The following IGFN1 variants were observed in gnomAD, a reference collection of about 807,000 sequenced individuals.
The protein encoded by IGFN1 is immunoglobulin-like and fibronectin type III domain-containing protein 1.
IGFN1 carries 253 observed loss-of-function variants against 289.5 expected under a neutral mutation model. That is an observed-to-expected ratio of 0.87 (90% CI 0.79 to 0.97). The LOEUF (loss-of-function observed/expected upper bound fraction) is 0.97, where lower values mean the gene tolerates loss of function less well. Among genes scored for constraint, IGFN1 ranks in the 50% least tolerant of loss-of-function variants. The pLI is 0.00. For missense variants in IGFN1, 4,470 were observed against 4,686.1 expected, an observed-to-expected ratio of 0.95 and a Z score of 1.35; for synonymous variants, 1,706 against 1,788.5, an observed-to-expected ratio of 0.95 and a Z score of 1.16.
Position 201,208,096 on chromosome 1 carries a change from G to A in IGFN1, c.3203G>A (p.Arg1068Lys). 2.6e-6 allele frequency: 4 copies of A among 1,536,944 alleles called. No individual in the cohort carries two copies. The highest frequency in any genetic ancestry group is 3.5e-6 in the Non-Finnish European group (4 of 1,146,822). The part of the protein sequence containing the change: ...ASACQAGMDP[R>K]GGHHSDGGLG... ...GCATGCCAGGCAGGCATGGACCCTA[G>A]GGGAGGGCACCATTCAGATGGTGGC... is the stretch of plus-strand genomic sequence containing the variant. Residue 1068 changes from arginine (R) to lysine (K), a missense_variant, in exon 12 of 24, where the codon AGG becomes AAG. Physicochemically the swap from Arg to Lys is conservative, Grantham distance 26 (BLOSUM62 2). Around this residue, in one of 8 missense-constraint regions of IGFN1, gnomAD observed 2,011 missense variants for 1,953.4 expected, o/e 1.03. Transcript: ENST00000335211.
intron 14 of IGFN1, among the ~76,000 whole-genome samples, 166 bp downstream of exon 14, chr1:201,215,320 T>C (rs1168828959): frequency 6.6e-6 from 1 of 152,174 alleles, no homozygotes; most frequent in Non-Finnish European, 1.5e-5. Context: ...ACCCTGCCTA[T>C]TCCAGCATCT....
chr1:201,191,132 G>T (rs1251317756), intron 1 of IGFN1, among the ~76,000 whole-genome samples: 1 of 152,170 alleles, frequency 6.6e-6, no homozygotes, highest in Non-Finnish European at 1.5e-5. Flanking sequence ...TGTCCTGTCT[G>T]GGCATTTCTG....
chr1:201,206,059 C>A, intron 11 of IGFN1, 24 bp from the exon 12 acceptor site: 3 of 1,461,500 alleles, frequency 2.1e-6, no homozygotes, highest in South Asian at 1.2e-5. Context: ...ACTGACCTTC[C>A]ATATGAATAA....
Position 201,207,198 on chromosome 1 carries a change from A to G in IGFN1, c.2305A>G (p.Ser769Gly), listed in dbSNP as rs1057336690. The G allele has an allele frequency of 6.5e-7, 1 of 1,536,896 alleles. No homozygotes were observed. The highest frequency in any genetic ancestry group is 8.7e-7 in the Non-Finnish European group (1 of 1,146,836). Residue 769 changes from serine (S) to glycine (G), a missense_variant, in exon 12 of 24, where the codon AGT (serine) becomes GGT (glycine). By Grantham distance (56) the Ser-to-Gly change is moderately conservative. Coordinates refer to ENST00000335211, the MANE Select transcript of IGFN1 (RefSeq NM_001164586.2). Reference protein sequence around the residue: ...ICRGESVVTGSAYKTGPGGPG... With the variant: ...ICRGESVVTGGAYKTGPGGPG... Reference sequence around the variant, plus strand: ...CCGGGGGGAGTCTGTAGTTACAGGAAGTGCCTACAAAACTGGCCCTGGAGG... The same window carrying G: ...CCGGGGGGAGTCTGTAGTTACAGGAGGTGCCTACAAAACTGGCCCTGGAGG...
Position 201,216,528 on chromosome 1 carries a change from C to A in IGFN1, c.9370C>A (p.Pro3124Thr), listed in dbSNP as rs759990640. The A allele has an allele frequency of 3.7e-6, 6 of 1,611,460 alleles. No homozygotes were observed. Among genetic ancestry groups the A allele is most frequent in the Non-Finnish European group, 5.1e-6 (6 of 1,178,630 alleles). The stretch of plus-strand genomic sequence containing the variant: ...GGCTGGCGTCTGCCTCCGCTGGCGG[C>A]CCCCAAGGGACAATGGGGGCCGGAC... ...HRAGVCLRWR[P>T]PRDNGGRTVE... Residue 3124 changes from proline to threonine, a missense_variant, in exon 16 of 24, where the codon CCC becomes ACC. Pro to Thr is a conservative substitution (Grantham distance 38). Around this residue, in one of 8 missense-constraint regions of IGFN1, gnomAD observed 2,218 missense variants for 2,114.1 expected, o/e 1.05. Coordinates refer to ENST00000335211, the MANE Select transcript of IGFN1 (RefSeq NM_001164586.2).
intron 18 of IGFN1, 57 bp from the exon 19 acceptor site, chr1:201,221,387 C>A: frequency 7.6e-7 from 1 of 1,318,936 alleles, no homozygotes; most frequent in East Asian, 2.5e-5. Flanking sequence ...TCAATATCCA[C>A]ACTGAGTGGC....
chr1:201,191,426 AG>A lies in IGFN1; in HGVS notation c.-48+524del, dbSNP rs1666654286. Among the ~76,000 whole-genome samples, 14 of 152,078 alleles carry A rather than the reference AG, an allele frequency of 9.2e-5. 1 individual carries two copies. The South Asian group carries it at 2.9e-3, about 32-fold the overall frequency. Reference sequence around the variant, plus strand: ...GGATGGGGAGCCATAGGTCCTGGAGAGGGGGCAGGGAGGGACTGTCCCAGGA... The same window carrying A: ...GGATGGGGAGCCATAGGTCCTGGAGAGGGGCAGGGAGGGACTGTCCCAGGA... On this transcript the variant is annotated intron_variant, in intron 1 of 23. Coordinates refer to ENST00000335211, the MANE Select transcript of IGFN1 (RefSeq NM_001164586.2).
At position 201,199,396 on chromosome 1, in the gene IGFN1, A is replaced by T; in HGVS notation, c.412+18A>T. 1 of 1,551,494 alleles carries T rather than the reference A, an allele frequency of 6.4e-7. No individual in the cohort carries two copies. Among genetic ancestry groups the T allele is most frequent in the Non-Finnish European group, 8.7e-7 (1 of 1,146,672 alleles). ...GCAGGAAGGTAGGCAGATTTGTCAGAAACCTCCTTGGGGGCCTGTGGGGGA... is the reference window on the plus strand; with the variant it reads ...GCAGGAAGGTAGGCAGATTTGTCAGTAACCTCCTTGGGGGCCTGTGGGGGA... On this transcript the variant is annotated intron_variant, in intron 6 of 23. Coordinates refer to ENST00000335211, the MANE Select transcript of IGFN1 (RefSeq NM_001164586.2).
rs1172653812 is a variant in IGFN1 at position 201,211,203 on chromosome 1, G to T, written c.6310G>T (p.Ala2104Ser). Residue 2104 changes from alanine (A) to serine (S), a missense_variant, in exon 12 of 24, where the codon GCA (alanine) becomes TCA (serine). Around this residue, in one of 8 missense-constraint regions of IGFN1, gnomAD observed 2,218 missense variants for 2,114.1 expected, o/e 1.05. Transcript: ENST00000335211. ...GSEEMESMDEAGYRKDLGAPE... is the reference protein window; with the variant it reads ...GSEEMESMDESGYRKDLGAPE... ...TGAAGAAATGGAGTCAATGGATGAG[G>T]CAGGTTATAGGAAGGATTTGGGGGC... 6.5e-7 allele frequency: 1 copy of T among 1,533,602 alleles called. No homozygotes were observed. The highest frequency in any genetic ancestry group is 8.7e-7 in the Non-Finnish European group (1 of 1,145,314). 95.0% of individuals were successfully genotyped at this position (1,533,602 alleles called of 1,614,324 possible).
Position 201,226,911 on chromosome 1 carries a change from C to G in IGFN1, c.10816C>G (p.Arg3606Gly). The G allele has an allele frequency of 6.2e-7, 1 of 1,605,066 alleles. No homozygotes were observed. Among genetic ancestry groups the G allele is most frequent in the Non-Finnish European group, 8.5e-7 (1 of 1,175,054 alleles). The change falls in exon 23 of 24, where the codon CGG becomes GGG. Residue 3606 changes from arginine to glycine, a missense_variant. Coordinates refer to ENST00000335211, the MANE Select transcript of IGFN1 (RefSeq NM_001164586.2). ...GTTCACAGTGAAGGCTCCGTGCTAC[C>G]GGGAGCCCGACCTGAGCCAGAAGCC... ...DRFTVKAPCYREPDLSQKPRF... is the reference protein window; with the variant it reads ...DRFTVKAPCYGEPDLSQKPRF...
At position 201,208,082 on chromosome 1, in the gene IGFN1, A is replaced by G. The variant is rs145259930; in HGVS notation, c.3189A>G (p.Ala1063=). 13,733 of 1,537,006 alleles carry G rather than the reference A, an allele frequency of 8.9e-3. 54 individuals carry two copies. The highest frequency in any genetic ancestry group is 0.011 in the Non-Finnish European group (12,091 of 1,146,848). ...DTRNWASACQ[A]GMDPRGGHHS... ...GGAATTGGGCCTCTGCATGCCAGGC[A>G]GGCATGGACCCTAGGGGAGGGCACC... The change falls in exon 12 of 24, where the codon GCA becomes GCG. Residue 1063 remains alanine, a synonymous_variant. Coordinates refer to ENST00000335211, the MANE Select transcript of IGFN1 (RefSeq NM_001164586.2).
chr1:201,198,586 A>G (rs541772021), intron 5 of IGFN1, among the ~76,000 whole-genome samples: 58 of 151,748 alleles, frequency 3.8e-4, no homozygotes, highest in African/African-American at 1.3e-3. Flanking sequence ...CATCACACCC[A>G]GCTAATTTTT....
intron 17 of IGFN1, among the ~76,000 whole-genome samples, chr1:201,218,222 T>G (rs1381400246): frequency 1.3e-5 from 2 of 152,198 alleles, no homozygotes; most frequent in Non-Finnish European, 2.9e-5. Context: ...ATTTCACTAT[T>G]TAGTGATTCT....
intron 8 of IGFN1, among the ~76,000 whole-genome samples, chr1:201,200,806 G>C (rs927643569): frequency 3.3e-5 from 5 of 151,706 alleles, no homozygotes; most frequent in South Asian, 2.1e-4. Flanking sequence ...CAGATTGCGG[G>C]GGGGAGGTAC....
At position 201,195,917 on chromosome 1, in the gene IGFN1, TC is replaced by T; in HGVS notation, c.207del (p.Ser70ValfsTer24). 1 of 1,551,852 alleles carries T rather than the reference TC, an allele frequency of 6.4e-7. No individual in the cohort carries two copies. Among genetic ancestry groups the T allele is most frequent in the Admixed American group, 2.0e-5 (1 of 50,990 alleles). ...CGTTGGCAGAACTCCAAAGGTGACC[TC>T]AGTGATTCCAGCAAGTACAAGATCT... is the stretch of plus-strand genomic sequence containing the variant. ...EVRWQNSKGDLSDSSKYKISS... is the reference protein window; with the variant it reads ...EVRWQNSKGDXSDSSKYKISS... On this transcript the variant is annotated frameshift_variant, in exon 4 of 24. Coordinates refer to ENST00000335211, the MANE Select transcript of IGFN1 (RefSeq NM_001164586.2). LOFTEE classifies it high-confidence loss of function.
intron 4 of IGFN1, 101 bp downstream of exon 4, chr1:201,196,079 A>C: frequency 8.4e-7 from 1 of 1,190,996 alleles, no homozygotes; most frequent in South Asian, 1.7e-5. Flanking sequence ...AGTAAGACAT[A>C]CTCCTCGTTG....
chr1:201,220,168 T>C (rs1367075814), intron 18 of IGFN1, among the ~76,000 whole-genome samples: 1 of 80,880 alleles, frequency 1.2e-5, no homozygotes, highest in Non-Finnish European at 2.5e-5. Context: ...CCTCTCTTCT[T>C]TCTATCCCTT....
Position 201,215,148 on chromosome 1 carries a change from G to C in IGFN1, c.8989G>C (p.Val2997Leu), listed in dbSNP as rs189723461. 3 of 1,612,624 alleles carry C rather than the reference G, an allele frequency of 1.9e-6. No individual in the cohort carries two copies. Among genetic ancestry groups the C allele is most frequent in the Non-Finnish European group, 1.7e-6 (2 of 1,179,756 alleles). ...GDQQSEATLTVQDSPTIAPDV... is the reference protein window; with the variant it reads ...GDQQSEATLTLQDSPTIAPDV... ...CCAGCAGAGCGAGGCCACCCTGACC[G>C]TCCAGGGTAAGGCCCAGCCCTGCCC... The change falls in exon 14 of 24, where the codon GTC (valine) becomes CTC (leucine). Residue 2997 changes from valine to leucine, a missense_variant. Physicochemically the swap from Val to Leu is conservative, Grantham distance 32. Coordinates refer to ENST00000335211, the MANE Select transcript of IGFN1 (RefSeq NM_001164586.2).
At position 201,213,175 on chromosome 1, in the gene IGFN1, G is replaced by T. The variant is rs769672445; in HGVS notation, c.8282G>T (p.Ser2761Ile). The T allele has an allele frequency of 1.3e-5, 20 of 1,551,540 alleles. No individual in the cohort carries two copies. The highest frequency in any genetic ancestry group is 1.7e-5 in the Non-Finnish European group (20 of 1,146,974). ...AGGTCAGGAGGGACCCAGGACCTGA[G>T]CTCTCAGCGAGGCAAGGGACAGAGA... Reference protein sequence around the residue: ...RDRSGGTQDLSSQRGKGQRGG... With the variant: ...RDRSGGTQDLISQRGKGQRGG... Residue 2761 changes from serine (S) to isoleucine (I), a missense_variant, in exon 12 of 24, where the codon AGC (serine) becomes ATC (isoleucine). Ser to Ile is a moderately radical substitution (Grantham distance 142, BLOSUM62 -2). Coordinates refer to ENST00000335211, the MANE Select transcript of IGFN1 (RefSeq NM_001164586.2).
Sources: allele counts gnomAD v4.1 joint callset (sites outside exome capture counted in the v4.1 genomes callset), GRCh38; gene constraint gnomAD v4.1.1; regional missense constraint gnomAD v4.1.1; transcripts MANE v1.5; gene names NCBI Gene and HGNC (gene_info 2026-07-23, HGNC 2026-07-21).